SBNO2: variants seen among roughly 807,000 people sequenced by gnomAD.
SBNO2 encodes the protein strawberry notch homolog 2.
A neutral mutation model predicts 146.3 loss-of-function variants in SBNO2; 89 were observed. The observed-to-expected ratio is 0.61, with a 90% CI of 0.51 to 0.73. SBNO2 has a LOEUF of 0.73. Ranked by LOEUF, SBNO2 falls within the 30% of genes least tolerant of loss-of-function variation. The pLI, the probability that SBNO2 is intolerant of heterozygous loss-of-function variation, is 0.00. For synonymous variants in SBNO2, 1,147 were observed against 892.6 expected (o/e 1.29, Z -5.08); for missense variants, 2,092 against 2,003.7 (o/e 1.04, Z -0.84).
intron 1 of SBNO2, among the ~76,000 whole-genome samples, chr19:1,162,135 G>C (rs890013809): frequency 2.3e-5 from 3 of 128,500 alleles, no homozygotes; most frequent in Non-Finnish European, 5.1e-5. Flanking sequence ...AGCAGGGATG[G>C]GGTCTTTTAA....
chr19:1,166,018 C>T (rs1171417687), intron 1 of SBNO2, among the ~76,000 whole-genome samples: 1 of 144,048 alleles, frequency 6.9e-6, no homozygotes, highest in African/African-American at 2.7e-5. Context: ...GATCCCAGAC[C>T]TCAGACCCCA....
chr19:1,116,002 C>CT lies in SBNO2; in HGVS notation c.1885+18_1885+19insA. The CT allele has an allele frequency of 6.5e-7, 1 of 1,539,878 alleles. No homozygotes were observed. Among genetic ancestry groups the CT allele is most frequent in the Non-Finnish European group, 8.8e-7 (1 of 1,140,940 alleles). On this transcript the variant is annotated intron_variant, in intron 17 of 31. Coordinates refer to ENST00000361757, the MANE Select transcript of SBNO2 (RefSeq NM_014963.3). The stretch of plus-strand genomic sequence containing the variant: ...GCAGAGGGGCAGGGGTGGGTGGGGC[C>CT]ATGGGGGGCAGGGCTTACGTTTCCG...
chr19:1,147,788 G>T (rs2080207753), intron 3 of SBNO2, among the ~76,000 whole-genome samples: 1 of 152,014 alleles, frequency 6.6e-6, no homozygotes, highest in South Asian at 2.1e-4. Context: ...CCCACACACA[G>T]GCCCCTTGAC....
At chr19:1,135,467 C>G (rs949694408) in intron 4 of SBNO2, among the ~76,000 whole-genome samples, 1 of 152,266 alleles carries the variant, frequency 6.6e-6, no homozygotes, top group Non-Finnish European at 1.5e-5. Context: ...ACTTGCTCCC[C>G]AGGCCCCAAT....
At position 1,109,161 on chromosome 19, in the gene SBNO2, C is replaced by T; in HGVS notation, c.3399G>A (p.Ser1133=). ...AGGCGCTGTGGCTGCAGTGCGTCAG[C>T]GACAAAGCGTAGCCACTCTCCCAGG... is the stretch of plus-strand genomic sequence containing the variant. ...KEPWESGYAL[S]LTHCSHSAWN... The change falls in exon 30 of 32, where the codon TCG becomes TCA. Residue 1133 remains serine, a synonymous_variant. Transcript: ENST00000361757. This position sits in a 1 kb window ranked among gnomAD's most constrained non-coding sequence, Gnocchi z 4.2. The T allele has an allele frequency of 3.9e-6, 6 of 1,557,020 alleles. No individual in the cohort carries two copies. The highest frequency in any genetic ancestry group is 4.3e-6 in the Non-Finnish European group (5 of 1,151,204).
At chr19:1,116,717 C>T in intron 16 of SBNO2, 112 bp downstream of exon 16, 1 of 934,724 alleles carries the variant, frequency 1.1e-6, no homozygotes, top group Non-Finnish European at 1.6e-6. Flanking sequence ...AAGCCCACCC[C>T]AGCACCTCCT....
rs937437982 is a variant in SBNO2 at position 1,124,319 on chromosome 19, C to T, written c.442-297G>A. ...CTGGAGTGCCCGGGAGGAAGGTGCC[C>T]GGCTAGTTCTGACAGACAACACAGC... is the stretch of plus-strand genomic sequence containing the variant. On this transcript the variant is annotated intron_variant, in intron 5 of 31. Transcript: ENST00000361757. 5.3e-5 allele frequency among the ~76,000 whole-genome samples: 8 copies of T among 152,310 alleles called. No individual in the cohort carries two copies. The East Asian group carries it at 5.8e-4, about 11-fold the overall frequency.
rs1348494810 is a variant in SBNO2, at chr19:1,173,551, G to GA, written c.-127+620dup. 1.1e-4 allele frequency among the ~76,000 whole-genome samples: 16 copies of GA among 152,270 alleles called. No homozygotes were observed. Among genetic ancestry groups the GA allele is most frequent in the African/African-American group, 3.8e-4 (16 of 41,576 alleles). ...GGAGACAGGGCTGCGCTGCGGGGCC[G>GA]AGAAGGCAAGGGTCCTGGGACCGGG... On this transcript the variant is annotated intron_variant, in intron 1 of 31. Coordinates refer to ENST00000361757, the MANE Select transcript of SBNO2 (RefSeq NM_014963.3). The surrounding 1 kb of genome is among the most constrained non-coding windows in gnomAD (Gnocchi z 4.7).
At chr19:1,171,875 C>G (rs1377543812) in intron 1 of SBNO2, among the ~76,000 whole-genome samples, 1 of 152,210 alleles carries the variant, frequency 6.6e-6, no homozygotes, top group Middle Eastern at 3.2e-3. Flanking sequence ...GCACCCTCTC[C>G]TCCGCACCTG....
At chr19:1,111,773 C>A (rs1051208764) in intron 23 of SBNO2, among the ~76,000 whole-genome samples, 159 bp from the exon 24 acceptor site, 35 of 151,108 alleles carry the variant, frequency 2.3e-4, no homozygotes, top group Non-Finnish European at 5.0e-4. Flanking sequence ...CACCTCCTCC[C>A]CGGGGGTCCT....
At position 1,109,889 on chromosome 19, in the gene SBNO2, G is replaced by GAGAGGGTGTCCT; in HGVS notation, c.3029-124_3029-113dup. 1.3e-6 allele frequency: 1 copy of GAGAGGGTGTCCT among 760,750 alleles called. No homozygotes were observed. Among genetic ancestry groups the GAGAGGGTGTCCT allele is most frequent in the Non-Finnish European group, 2.1e-6 (1 of 475,624 alleles). 47.1% of individuals were successfully genotyped at this position (760,750 alleles called of 1,614,324 possible). A position where few individuals can be genotyped will look rare whatever the true frequency, so the allele number is the denominator to read the frequency against. Reference sequence around the variant, plus strand: ...TAGAGACGACCCCCCGAGAGCACAGGAGAGGGTGTCCTGGATCCTGGCCTG... The same window carrying GAGAGGGTGTCCT: ...TAGAGACGACCCCCCGAGAGCACAGGAGAGGGTGTCCTAGAGGGTGTCCTGGATCCTGGCCTG... On this transcript the variant is annotated intron_variant, in intron 26 of 31. Coordinates refer to ENST00000361757, the MANE Select transcript of SBNO2 (RefSeq NM_014963.3). This position sits in a 1 kb window ranked among gnomAD's most constrained non-coding sequence, Gnocchi z 4.2.
chr19:1,111,916 C>A lies in SBNO2; in HGVS notation c.2700+80G>T. Reference sequence around the variant, plus strand: ...CACGTTCTCCAGCCCCCATCTACCCCCTCCCCCAGGCTCTTAGATCCGGCC... The same window carrying A: ...CACGTTCTCCAGCCCCCATCTACCCACTCCCCCAGGCTCTTAGATCCGGCC... On this transcript the variant is annotated intron_variant, in intron 23 of 31. Coordinates refer to ENST00000361757, the MANE Select transcript of SBNO2 (RefSeq NM_014963.3). 3.0e-6 allele frequency: 4 copies of A among 1,326,954 alleles called. No individual in the cohort carries two copies. In the South Asian group the frequency reaches 4.0e-5, roughly 13 times the overall value. 82.2% of individuals were successfully genotyped at this position (1,326,954 alleles called of 1,614,324 possible).
chr19:1,109,186 G>A lies in SBNO2; in HGVS notation c.3374C>T (p.Pro1125Leu), dbSNP rs1394950623. 3 of 1,562,744 alleles carry A rather than the reference G, an allele frequency of 1.9e-6. No individual in the cohort carries two copies. Among genetic ancestry groups the A allele is most frequent in the Non-Finnish European group, 2.6e-6 (3 of 1,154,590 alleles). Residue 1125 changes from proline (P) to leucine (L), a missense_variant, in exon 30 of 32, where the codon CCC becomes CTC. Physicochemically the swap from Pro to Leu is moderately conservative, Grantham distance 98 (BLOSUM62 -3). Coordinates refer to ENST00000361757, the MANE Select transcript of SBNO2 (RefSeq NM_014963.3). The surrounding 1 kb of genome is among the most constrained non-coding windows in gnomAD (Gnocchi z 4.2). The part of the protein sequence containing the change: ...HRVTAEEAKE[P>L]WESGYALSLT... ...CGACAAAGCGTAGCCACTCTCCCAG[G>A]GCTCCTTGGCCTCCTCCGCGGTGAC...
chr19:1,165,889 CCCCAGATCTCAGACCCCCAGACCCCAGAT>C (rs2080413401), intron 1 of SBNO2, among the ~76,000 whole-genome samples: 3 of 46,420 alleles, frequency 6.5e-5, no homozygotes, highest in Non-Finnish European at 9.0e-5. Flanking sequence ...AGATCCCAGA[CCCCAGATCTCAGACCCCCAGACCCCAGAT>C]CCCAGATCTC....
In SBNO2 at chr19:1,126,617, G is replaced by A. The variant is rs10421825; in HGVS notation, c.441+987C>T. Among the ~76,000 whole-genome samples, 6,174 of 152,126 alleles carry A rather than the reference G, an allele frequency of 0.041. 434 individuals are homozygous for A. Among genetic ancestry groups the A allele is most frequent in the African/African-American group, 0.14 (5,824 of 41,476 alleles). On this transcript the variant is annotated intron_variant, in intron 5 of 31. Coordinates refer to ENST00000361757, the MANE Select transcript of SBNO2 (RefSeq NM_014963.3). The surrounding 1 kb of genome is among the most constrained non-coding windows in gnomAD (Gnocchi z 4.4). The stretch of plus-strand genomic sequence containing the variant: ...CGGGGTGCCCTGATGCTTCCTGCCT[G>A]GGCCCCCAAGCCCGTGAGTTCTGCT...
chr19:1,133,303 C>A (rs958975994), intron 4 of SBNO2, among the ~76,000 whole-genome samples: 1 of 152,122 alleles, frequency 6.6e-6, no homozygotes, highest in Non-Finnish European at 1.5e-5. Context: ...GGCCAGGGGC[C>A]CTGGGAAAGA....
At chr19:1,111,228 CA>C in intron 24 of SBNO2, 135 bp from the exon 25 acceptor site, 1 of 1,017,702 alleles carries the variant, frequency 9.8e-7, no homozygotes, top group Non-Finnish European at 1.4e-6. Context: ...GGGCCAGGGC[CA>C]GGAGCGGAGC....
intron 24 of SBNO2, 34 bp downstream of exon 24, chr19:1,111,472 C>G (rs1190227102): frequency 6.9e-7 from 1 of 1,444,278 alleles, no homozygotes. Flanking sequence ...CAACCCCTGC[C>G]CCTCCCAGGA....
rs1164445295 is a variant in SBNO2 at position 1,112,076 on chromosome 19, G to A, written c.2629-9C>T. The A allele has an allele frequency of 5.6e-6, 9 of 1,612,262 alleles. No individual in the cohort carries two copies. Among genetic ancestry groups the A allele is most frequent in the East Asian group, 2.2e-5 (1 of 44,872 alleles). On this transcript the variant is annotated splice_polypyrimidine_tract_variant and intron_variant, in intron 22 of 31. Transcript: ENST00000361757. The surrounding 1 kb of genome is among the most constrained non-coding windows in gnomAD (Gnocchi z 5.9). ...CCGTGGGTCAGGGCCCCCTGCCAGG[G>A]GTGGGGAGGCCATCAGTTGGTCACC...
Sources: gnomAD v4.1 joint callset for allele counts (sites outside exome capture counted in the v4.1 genomes callset) on GRCh38, gnomAD v4.1.1 for gene constraint, Gnocchi (gnomAD v3.1) non-coding constraint, MANE v1.5 for transcripts, NCBI Gene and HGNC (gene_info 2026-07-23, HGNC 2026-07-21) for gene names.